MTURN: variants seen among roughly 807,000 people sequenced by gnomAD.
MTURN encodes maturin, neural progenitor differentiation regulator homolog.
In MTURN, 7 loss-of-function variants were observed where a neutral mutation model predicts 14.9. That is an observed-to-expected ratio of 0.47 (90% confidence interval 0.27 to 0.88). The LOEUF (loss-of-function observed/expected upper bound fraction) is 0.88. MTURN is among the 40% of genes least tolerant of loss of function. The pLI is 0.14. For missense variants in MTURN, 151 were observed against 174.1 expected (o/e 0.87, Z 0.75); for synonymous variants, 69 against 72.5 (o/e 0.95, Z 0.25).
intron 1 of MTURN, among the ~76,000 whole-genome samples, chr7:30,139,508 A>C (rs777156295): frequency 6.6e-6 from 1 of 152,154 alleles, no homozygotes; most frequent in African/African-American, 2.4e-5. Flanking sequence ...AGTGCTTCTT[A>C]TTGGGCCTCA....
chr7:30,135,516 C>G (rs1176579386), intron 1 of MTURN, among the ~76,000 whole-genome samples: 1 of 151,550 alleles, frequency 6.6e-6, no homozygotes, highest in Non-Finnish European at 1.5e-5. Context: ...GCAAGGCGCC[C>G]GGAGGATCCG....
At chr7:30,155,452 C>G (rs1352794313) in intron 2 of MTURN, among the ~76,000 whole-genome samples, 1 of 152,200 alleles carries the variant, frequency 6.6e-6, no homozygotes, top group Non-Finnish European at 1.5e-5. Flanking sequence ...GACTAGTCAT[C>G]TTTTCTCTCT....
At chr7:30,136,680 G>A (rs1020092940) in intron 1 of MTURN, among the ~76,000 whole-genome samples, 1 of 152,292 alleles carries the variant, frequency 6.6e-6, no homozygotes, top group African/African-American at 2.4e-5. Flanking sequence ...GATCCACCTG[G>A]GCATTCCACA....
intron 2 of MTURN, among the ~76,000 whole-genome samples, chr7:30,152,696 G>A (rs1248944717): frequency 6.6e-6 from 1 of 152,136 alleles, no homozygotes; most frequent in East Asian, 1.9e-4. Flanking sequence ...CCTTTATGAA[G>A]ACCTTCTAGC....
Position 30,157,585 on chromosome 7 carries a change from C to T in MTURN, c.*37C>T. 6.6e-7 allele frequency: 1 copy of T among 1,516,968 alleles called. No individual in the cohort carries two copies. The highest frequency in any genetic ancestry group is 8.9e-7 in the Non-Finnish European group (1 of 1,122,558). 94.0% of individuals were successfully genotyped at this position (1,516,968 alleles called of 1,614,324 possible). On this transcript the variant is annotated 3_prime_UTR_variant, in exon 3 of 3. Coordinates refer to ENST00000324453, the MANE Select transcript of MTURN (RefSeq NM_152793.3). ...CCCCTGAGAAGGAGAGTGAGCCCCA[C>T]AGTAACCTAGGTGGGGTCACTGCCC...
At chr7:30,148,968 G>C (rs1455449183) in intron 2 of MTURN, among the ~76,000 whole-genome samples, 1 of 152,076 alleles carries the variant, frequency 6.6e-6, no homozygotes, top group African/African-American at 2.4e-5. Flanking sequence ...TCCTCACAGG[G>C]GCTCACTCAT....
Position 30,147,558 on chromosome 7 carries a change from A to G in MTURN, c.285+1259A>G, listed in dbSNP as rs79270547. 7.4e-4 allele frequency among the ~76,000 whole-genome samples: 113 copies of G among 152,326 alleles called. 2 individuals carry two copies. The East Asian group carries it at 0.019, about 25-fold the overall frequency. On this transcript the variant is annotated intron_variant, in intron 2 of 2. Coordinates refer to ENST00000324453, the MANE Select transcript of MTURN (RefSeq NM_152793.3). ...GAAAACTGTTAGAGTAGCCTGAGAAAGCAGTGAAGTTTCTAGCTGCTGCTT... is the reference window on the plus strand; with the variant it reads ...GAAAACTGTTAGAGTAGCCTGAGAAGGCAGTGAAGTTTCTAGCTGCTGCTT...
intron 2 of MTURN, among the ~76,000 whole-genome samples, chr7:30,153,787 G>A (rs1353806243): frequency 2.0e-5 from 3 of 152,048 alleles, no homozygotes; most frequent in Non-Finnish European, 4.4e-5. Context: ...GCACGATCTT[G>A]GCTCACTGCA....
rs1260380463 is a variant in MTURN, at chr7:30,160,496, G to GT, written c.*2949dup. ...GTGTAGGAAGAATAGCTGGAAGAAAGTGAAAGATGAGTGCCAGTACTTTTG... is the reference window on the plus strand; with the variant it reads ...GTGTAGGAAGAATAGCTGGAAGAAAGTTGAAAGATGAGTGCCAGTACTTTTG... On this transcript the variant is annotated 3_prime_UTR_variant, in exon 3 of 3. Coordinates refer to ENST00000324453, the MANE Select transcript of MTURN (RefSeq NM_152793.3). 1 of 152,322 alleles carries GT rather than the reference G, an allele frequency of 6.6e-6. No homozygotes were observed. Among genetic ancestry groups the GT allele is most frequent in the African/African-American group, 2.4e-5 (1 of 41,458 alleles). The allele number at this position is 152,322 out of a possible 1,614,324, so 9.4% of individuals were successfully genotyped here.
chr7:30,137,108 G>A (rs376807556), intron 1 of MTURN, among the ~76,000 whole-genome samples: 24 of 151,540 alleles, frequency 1.6e-4, no homozygotes, highest in Middle Eastern at 3.4e-3. Context: ...TCACTCCATT[G>A]CAAAAGTGTG....
chr7:30,156,088 C>T (rs904177574), intron 2 of MTURN, among the ~76,000 whole-genome samples: 1 of 152,152 alleles, frequency 6.6e-6, no homozygotes, highest in Non-Finnish European at 1.5e-5. Context: ...GCCTGGTTAT[C>T]ACAGGCAGGT....
chr7:30,146,075 A>T (rs566921967), intron 1 of MTURN, 102 bp from the exon 2 acceptor site: 2 of 1,598,942 alleles, frequency 1.3e-6, no homozygotes, highest in Non-Finnish European at 1.7e-6. Context: ...CCTTCTTCAA[A>T]TTGATGTTAT....
At chr7:30,144,142 G>A (rs1297665066) in intron 1 of MTURN, among the ~76,000 whole-genome samples, 2 of 152,164 alleles carry the variant, frequency 1.3e-5, no homozygotes, top group African/African-American at 4.8e-5. Context: ...AGGTACTTAA[G>A]TCCACCATTT....
Position 30,156,698 on chromosome 7 carries a change from G to A in MTURN, c.286-740G>A, listed in dbSNP as rs190828959. ...AAATTAGCTGGGCATGGTGGTGTGCGTCTGTAGTCCCAGCTACTCAGGAGG... is the reference window on the plus strand; with the variant it reads ...AAATTAGCTGGGCATGGTGGTGTGCATCTGTAGTCCCAGCTACTCAGGAGG... On this transcript the variant is annotated intron_variant, in intron 2 of 2. Transcript: ENST00000324453. Among the ~76,000 whole-genome samples, 87 of 152,084 alleles carry A rather than the reference G, an allele frequency of 5.7e-4. No homozygotes were observed. The South Asian group carries it at 8.3e-3, about 15-fold the overall frequency.
chr7:30,155,015 G>A (rs1043312406), intron 2 of MTURN, among the ~76,000 whole-genome samples: 1 of 152,224 alleles, frequency 6.6e-6, no homozygotes, highest in Non-Finnish European at 1.5e-5. Flanking sequence ...GTTTGGGTCA[G>A]TATGAATCAC....
chr7:30,149,621 G>A (rs1032748608), intron 2 of MTURN, among the ~76,000 whole-genome samples: 6 of 152,118 alleles, frequency 3.9e-5, no homozygotes, highest in African/African-American at 1.4e-4. Context: ...CTTCCCAATG[G>A]CACCATTTAT....
intron 2 of MTURN, among the ~76,000 whole-genome samples, chr7:30,151,145 G>A (rs866665220): frequency 6.6e-6 from 1 of 152,196 alleles, no homozygotes; most frequent in East Asian, 1.9e-4. Flanking sequence ...ACTTGCTAAT[G>A]TTGATTGCTC....
At chr7:30,154,312 G>A (rs1193215316) in intron 2 of MTURN, among the ~76,000 whole-genome samples, 1 of 152,122 alleles carries the variant, frequency 6.6e-6, no homozygotes, top group African/African-American at 2.4e-5. Flanking sequence ...CCTCCACCTG[G>A]CAACATTCAT....
intron 1 of MTURN, among the ~76,000 whole-genome samples, chr7:30,142,415 GA>G (rs1242391837): frequency 6.6e-6 from 1 of 152,084 alleles, no homozygotes; most frequent in Non-Finnish European, 1.5e-5. Context: ...AGTTCTCCCG[GA>G]AAGATATTTA....
Sources: gnomAD v4.1 joint callset for allele counts (sites outside exome capture counted in the v4.1 genomes callset) on GRCh38, gnomAD v4.1.1 for gene constraint, MANE v1.5 for transcripts, NCBI Gene and HGNC (gene_info 2026-07-23, HGNC 2026-07-21) for gene names.